The following PGM1 variants were observed in gnomAD, a reference collection of about 807,000 sequenced individuals.
PGM1 encodes phosphoglucomutase-1.
In PGM1, 52 loss-of-function variants were observed where a neutral mutation model predicts 55.6. That is an observed-to-expected ratio of 0.94 (90% CI 0.75 to 1.18). The LOEUF is 1.18. Among genes scored for constraint, PGM1 ranks in the 50% most tolerant of loss-of-function variants. The probability of loss-of-function intolerance (pLI) is 0.00; values close to 1 mark genes in which losing one functional copy is unlikely to be tolerated. For synonymous variants in PGM1, 287 were observed against 271.7 expected (o/e 1.06, Z -0.55); for missense variants, 724 against 729.3 (o/e 0.99, Z 0.08).
At position 63,631,675 on chromosome 1, in the gene PGM1, T is replaced by C. The variant is rs1311845291; in HGVS notation, c.575T>C (p.Val192Ala). The change falls in exon 4 of 11, where the codon GTA becomes GCA. Residue 192 changes from valine to alanine, a missense_variant. Around this residue, in one of 3 missense-constraint regions of PGM1, gnomAD observed 379 missense variants for 357.5 expected, o/e 1.06. Transcript: ENST00000371084. ...CTCACAGTGGAAATTGTGGATTCGG[T>C]AGAAGCTTATGCTACAATGCTGAGA... Reference protein sequence around the residue: ...KPFTVEIVDSVEAYATMLRSI... With the variant: ...KPFTVEIVDSAEAYATMLRSI... The C allele has an allele frequency of 1.2e-6, 2 of 1,613,436 alleles. No homozygotes were observed. The highest frequency in any genetic ancestry group is 2.2e-5 in the East Asian group (1 of 44,858).
chr1:63,611,289 A>G (rs572752724), intron 1 of PGM1, among the ~76,000 whole-genome samples: 1 of 152,120 alleles, frequency 6.6e-6, no homozygotes, highest in African/African-American at 2.4e-5. Flanking sequence ...AAGTGTAGAC[A>G]TGGGGGTATG....
chr1:63,593,700 TCCA>T lies in PGM1; in HGVS notation c.213_215del (p.Ile71_Gln72delinsMet), dbSNP rs756234376. The T allele has an allele frequency of 7.5e-6, 12 of 1,602,698 alleles. No individual in the cohort carries two copies. Among genetic ancestry groups the T allele is most frequent in the Non-Finnish European group, 9.4e-6 (11 of 1,176,276 alleles). ...GGCCGGTTCTACATGAAGGAGGCCA[TCCA>T]GCTCATCGCTCGCATCGCTGCCGCC... On this transcript the variant is annotated inframe_deletion, in exon 1 of 11. Coordinates refer to ENST00000371084, the MANE Select transcript of PGM1 (RefSeq NM_002633.3).
At chr1:63,608,580 C>G (rs1337639861) in intron 1 of PGM1, among the ~76,000 whole-genome samples, 1 of 152,158 alleles carries the variant, frequency 6.6e-6, no homozygotes, top group East Asian at 1.9e-4. Flanking sequence ...AGCAATAAAA[C>G]TATTAGGTTA....
chr1:63,654,200 C>T, intron 9 of PGM1, 132 bp from the exon 10 acceptor site: 2 of 898,542 alleles, frequency 2.2e-6, no homozygotes, highest in Non-Finnish European at 3.7e-6. Flanking sequence ...GCAGCTGCTG[C>T]CATTTATCAA....
At chr1:63,634,039 C>T (rs1364805164) in intron 4 of PGM1, among the ~76,000 whole-genome samples, 1 of 147,870 alleles carries the variant, frequency 6.8e-6, no homozygotes, top group African/African-American at 2.5e-5. Context: ...GCCTCAGCCT[C>T]CCAAAGTACT....
At chr1:63,604,543 G>T (rs1443534878) in intron 1 of PGM1, among the ~76,000 whole-genome samples, 1 of 152,108 alleles carries the variant, frequency 6.6e-6, no homozygotes, top group African/African-American at 2.4e-5. Context: ...GATCTAACAT[G>T]CAGGCCACAT....
chr1:63,654,002 A>G (rs1649889604), intron 9 of PGM1, among the ~76,000 whole-genome samples: 1 of 152,082 alleles, frequency 6.6e-6, no homozygotes, highest in African/African-American at 2.4e-5. Context: ...TATGTGCTTC[A>G]TTATTAAGCT....
At chr1:63,630,777 A>G (rs1437439365) in intron 3 of PGM1, among the ~76,000 whole-genome samples, 3 of 152,244 alleles carry the variant, frequency 2.0e-5, no homozygotes, top group Admixed American at 6.5e-5. Flanking sequence ...ATGATTGGCA[A>G]TGAACTTGCA....
chr1:63,642,936 A>G (rs545574394), intron 7 of PGM1, among the ~76,000 whole-genome samples: 49 of 152,336 alleles, frequency 3.2e-4, no homozygotes, highest in African/African-American at 1.0e-3. Flanking sequence ...TCTGGGACAC[A>G]TGGTGAACAA....
chr1:63,638,626 C>A, intron 6 of PGM1, 59 bp from the exon 7 acceptor site: 1 of 1,132,692 alleles, frequency 8.8e-7, no homozygotes, highest in Non-Finnish European at 1.4e-6. Flanking sequence ...TTTTCCGTCC[C>A]TCACATGGCC....
At chr1:63,657,418 T>G (rs546322994) in intron 10 of PGM1, among the ~76,000 whole-genome samples, 22 of 152,336 alleles carry the variant, frequency 1.4e-4, no homozygotes, top group African/African-American at 5.3e-4. Context: ...GTAAAATGTT[T>G]AAACACTGTG....
chr1:63,634,809 T>C lies in PGM1; in HGVS notation c.683-20T>C. 6.2e-7 allele frequency: 1 copy of C among 1,602,610 alleles called. No homozygotes were observed. Among genetic ancestry groups the C allele is most frequent in the Non-Finnish European group, 8.5e-7 (1 of 1,170,600 alleles). ...TTTTATTTTCTGATTCTGCATACATTTATTCCATGCTGTATATAGTTGTGG... is the reference window on the plus strand; with the variant it reads ...TTTTATTTTCTGATTCTGCATACATCTATTCCATGCTGTATATAGTTGTGG... On this transcript the variant is annotated intron_variant, in intron 4 of 10. Transcript: ENST00000371084.
In PGM1 at chr1:63,659,044, G is replaced by T. The variant is rs535822941; in HGVS notation, c.1600-542G>T. On this transcript the variant is annotated intron_variant, in intron 10 of 10. Coordinates refer to ENST00000371084, the MANE Select transcript of PGM1 (RefSeq NM_002633.3). ...CAGCACAGAAAAGACCCACCCCCAT[G>T]ATTCAATCATCTCCCACCGGGTCCC... 6.6e-5 allele frequency among the ~76,000 whole-genome samples: 10 copies of T among 152,246 alleles called. No homozygotes were observed. The East Asian group carries it at 1.7e-3, about 26-fold the overall frequency.
intron 4 of PGM1, 148 bp downstream of exon 4, chr1:63,631,930 A>G (rs1649208039): frequency 2.5e-6 from 2 of 801,254 alleles, no homozygotes; most frequent in Middle Eastern, 2.3e-4. Flanking sequence ...CAATATTCAC[A>G]CAGATAAAAA....
At chr1:63,643,703 C>T (rs149280947) in intron 7 of PGM1, among the ~76,000 whole-genome samples, 1 of 152,336 alleles carries the variant, frequency 6.6e-6, no homozygotes, top group African/African-American at 2.4e-5. Flanking sequence ...GGCAGACTGT[C>T]TTAACAACTG....
Position 63,659,571 on chromosome 1 carries a change from C to T in PGM1, c.1600-15C>T. 2.5e-6 allele frequency: 4 copies of T among 1,606,120 alleles called. No homozygotes were observed. The highest frequency in any genetic ancestry group is 3.4e-6 in the Non-Finnish European group (4 of 1,172,754). On this transcript the variant is annotated splice_polypyrimidine_tract_variant and intron_variant, in intron 10 of 10. Coordinates refer to ENST00000371084, the MANE Select transcript of PGM1 (RefSeq NM_002633.3). ...GAGGAAGTGATGGAAAAGCTTCTCTCTATGTCTTCCTCAGGTCATGTTGGC... is the reference window on the plus strand; with the variant it reads ...GAGGAAGTGATGGAAAAGCTTCTCTTTATGTCTTCCTCAGGTCATGTTGGC...
At position 63,597,436 on chromosome 1, in the gene PGM1, C is replaced by A. The variant is rs115666228; in HGVS notation, c.246+3702C>A. ...ACAAGTACCTCACTTGGAAACTGTT[C>A]GAATGATAGGTGTGTTATCAATGTT... On this transcript the variant is annotated intron_variant, in intron 1 of 10. Transcript: ENST00000371084. 3.9e-5 allele frequency among the ~76,000 whole-genome samples: 6 copies of A among 152,218 alleles called. 1 individual carries two copies. The highest frequency in any genetic ancestry group is 6.8e-3 in the Middle Eastern group (2 of 294).
chr1:63,611,627 G>A (rs1251043585), intron 1 of PGM1, among the ~76,000 whole-genome samples: 1 of 152,262 alleles, frequency 6.6e-6, no homozygotes, highest in Non-Finnish European at 1.5e-5. Context: ...TCTGTAGGCC[G>A]GGCGCAGTGG....
intron 4 of PGM1, among the ~76,000 whole-genome samples, chr1:63,632,864 A>G (rs1649233753): frequency 6.6e-6 from 1 of 152,120 alleles, no homozygotes; most frequent in South Asian, 2.1e-4. Flanking sequence ...CTCTATAAAA[A>G]TACAAAAAAT....
Sources: gnomAD v4.1 joint callset for allele counts (sites outside exome capture counted in the v4.1 genomes callset) on GRCh38, gnomAD v4.1.1 for gene constraint, gnomAD v4.1.1 regional missense constraint, MANE v1.5 for transcripts, NCBI Gene and HGNC (gene_info 2026-07-23, HGNC 2026-07-21) for gene names.